The following PIK3R4 variants were observed in gnomAD, a reference collection of about 807,000 sequenced individuals.
PIK3R4 encodes the protein phosphoinositide-3-kinase regulatory subunit 4.
In PIK3R4, 46 loss-of-function variants were observed where a neutral mutation model predicts 136.5. The ratio of observed to expected loss-of-function variants is 0.34; its 90% CI spans 0.27 to 0.43. The LOEUF (loss-of-function observed/expected upper bound fraction) is 0.43, where lower values mean the gene tolerates loss of function less well. Among genes scored for constraint, PIK3R4 ranks in the 20% least tolerant of loss-of-function variants. The probability of loss-of-function intolerance (pLI) is 1.00; values close to 1 mark genes in which losing one functional copy is unlikely to be tolerated. For missense variants in PIK3R4, 1,331 were observed against 1,649.5 expected (o/e 0.81, Z 3.35); for synonymous variants, 557 against 566.7 (o/e 0.98, Z 0.24).
chr3:130,708,618 A>AT, intron 9 of PIK3R4, 126 bp from the exon 10 acceptor site: 1 of 761,978 alleles, frequency 1.3e-6, no homozygotes. Context: ...GAAGGGTGAA[A>AT]CAACCAAGTC....
chr3:130,738,657 C>T (rs964349203), intron 2 of PIK3R4, among the ~76,000 whole-genome samples: 4 of 146,956 alleles, frequency 2.7e-5, no homozygotes, highest in East Asian at 2.0e-4. Context: ...AGGGTAAGTA[C>T]GGTATCTTAT....
chr3:130,681,894 GA>G (rs2066460860), intron 16 of PIK3R4, among the ~76,000 whole-genome samples: 1 of 152,162 alleles, frequency 6.6e-6, no homozygotes, highest in African/African-American at 2.4e-5. Flanking sequence ...AGGCCCTTCT[GA>G]AGCAGGAGTG....
At chr3:130,735,702 A>G (rs2066782269) in intron 3 of PIK3R4, among the ~76,000 whole-genome samples, 167 bp downstream of exon 3, 1 of 152,352 alleles carries the variant, frequency 6.6e-6, no homozygotes, top group East Asian at 1.9e-4. Flanking sequence ...GGGGAAAAAA[A>G]CAGTACATTC....
rs2066599431 is a variant in PIK3R4, at chr3:130,705,130, CT to C, written c.2932+430del. Among the ~76,000 whole-genome samples the C allele has an allele frequency of 1.3e-5, 2 of 152,224 alleles. 1 individual carries two copies. Among genetic ancestry groups the C allele is most frequent in the South Asian group, 4.2e-4 (2 of 4,818 alleles). Reference sequence around the variant, plus strand: ...ACAGGCATGAGCCACCACAACCAGCCTGTTTTCTTTTTAAAAAAAGTACTCA... The same window carrying C: ...ACAGGCATGAGCCACCACAACCAGCCGTTTTCTTTTTAAAAAAAGTACTCA... On this transcript the variant is annotated intron_variant, in intron 12 of 19. Transcript: ENST00000356763.
chr3:130,708,571 A>G, intron 9 of PIK3R4, 79 bp from the exon 10 acceptor site: 1 of 1,253,326 alleles, frequency 8.0e-7, no homozygotes, highest in Non-Finnish European at 1.1e-6. Context: ...TAACAACTGA[A>G]GGGACAAATC....
In PIK3R4 at chr3:130,705,728, G is replaced by A. The variant is rs1342573426; in HGVS notation, c.2765C>T (p.Pro922Leu). The change falls in exon 12 of 20, where the codon CCG becomes CTG. Residue 922 changes from proline (P) to leucine (L), a missense_variant. By Grantham distance (98) the Pro-to-Leu change is moderately conservative. Coordinates refer to ENST00000356763, the MANE Select transcript of PIK3R4 (RefSeq NM_014602.3). Reference protein sequence around the residue: ...TTVQNKKPVIPVLSSTILPST... With the variant: ...TTVQNKKPVILVLSSTILPST... ...TGGTAAGATTGTACTACTTAAAACC[G>A]GTATTACTGGTTTTTTATTTTGGAC... is the stretch of plus-strand genomic sequence containing the variant. The A allele has an allele frequency of 1.3e-5, 21 of 1,610,300 alleles. No homozygotes were observed. Among genetic ancestry groups the A allele is most frequent in the Non-Finnish European group, 1.8e-5 (21 of 1,176,732 alleles).
intron 9 of PIK3R4, among the ~76,000 whole-genome samples, chr3:130,710,190 TA>T (rs1244515468): frequency 1.6e-4 from 25 of 151,934 alleles, no homozygotes; most frequent in Non-Finnish European, 3.4e-4. Context: ...AAACATTTTA[TA>T]TATTTATATT....
intron 6 of PIK3R4, among the ~76,000 whole-genome samples, chr3:130,724,878 T>G (rs868706785): frequency 1.2e-4 from 19 of 152,024 alleles, no homozygotes; most frequent in African/African-American, 4.6e-4. Context: ...AATAGTAATA[T>G]GAAAATATTA....
chr3:130,691,161 A>G (rs1259442907), intron 13 of PIK3R4, among the ~76,000 whole-genome samples: 1 of 152,070 alleles, frequency 6.6e-6, no homozygotes, highest in African/African-American at 2.4e-5. Context: ...TCCTGATCCT[A>G]TCTTCTTCAA....
At chr3:130,713,549 T>A (rs769646975) in intron 9 of PIK3R4, among the ~76,000 whole-genome samples, 7 of 152,102 alleles carry the variant, frequency 4.6e-5, no homozygotes, top group Non-Finnish European at 1.0e-4. Flanking sequence ...TCCCACTCCT[T>A]CCTTTTACCC....
In PIK3R4 at chr3:130,680,647, T is replaced by TAGTA; in HGVS notation, c.3868_3871dup (p.Tyr1291LeufsTer7). The TAGTA allele has an allele frequency of 6.2e-7, 1 of 1,611,906 alleles. No homozygotes were observed. Among genetic ancestry groups the TAGTA allele is most frequent in the Non-Finnish European group, 8.5e-7 (1 of 1,178,182 alleles). ...TTCAGTGCCTTCAATTATTTTCCTGTAGTAGGACACAGATGGGGAACTAGT... is the reference window on the plus strand; with the variant it reads ...TTCAGTGCCTTCAATTATTTTCCTGTAGTAAGTAGGACACAGATGGGGAACTAGT... On this transcript the variant is annotated frameshift_variant, in exon 19 of 20. Coordinates refer to ENST00000356763, the MANE Select transcript of PIK3R4 (RefSeq NM_014602.3). LOFTEE classifies it high-confidence loss of function.
chr3:130,745,249 G>A lies in PIK3R4; in HGVS notation c.-31C>T. 5 of 1,544,760 alleles carry A rather than the reference G, an allele frequency of 3.2e-6. No homozygotes were observed. The highest frequency in any genetic ancestry group is 4.3e-6 in the Non-Finnish European group (5 of 1,156,874). Reference sequence around the variant, plus strand: ...CAAGCACCTCTGTGGTCTTTAGTAAGGTTAGGATATAATACCTGTTTAAAA... The same window carrying A: ...CAAGCACCTCTGTGGTCTTTAGTAAAGTTAGGATATAATACCTGTTTAAAA... On this transcript the variant is annotated 5_prime_UTR_variant, in exon 2 of 20. Transcript: ENST00000356763.
At chr3:130,743,905 C>A (rs2066838615) in intron 2 of PIK3R4, among the ~76,000 whole-genome samples, 2 of 152,218 alleles carry the variant, frequency 1.3e-5, no homozygotes, top group African/African-American at 4.8e-5. Context: ...CACATCAGTG[C>A]ATCATATTCT....
At chr3:130,708,560 C>T (rs1468028945) in intron 9 of PIK3R4, 68 bp from the exon 10 acceptor site, 1 of 1,371,550 alleles carries the variant, frequency 7.3e-7, no homozygotes, top group East Asian at 2.3e-5. Flanking sequence ...CTCAGAATGA[C>T]TAACAACTGA....
At chr3:130,742,407 G>C (rs983122707) in intron 2 of PIK3R4, among the ~76,000 whole-genome samples, 1 of 152,142 alleles carries the variant, frequency 6.6e-6, no homozygotes, top group Admixed American at 6.5e-5. Flanking sequence ...TGAAAGTGAC[G>C]CAATTCCTAA....
chr3:130,684,731 A>G (rs1487639342), intron 15 of PIK3R4, among the ~76,000 whole-genome samples: 1 of 152,242 alleles, frequency 6.6e-6, no homozygotes, highest in Non-Finnish European at 1.5e-5. Flanking sequence ...CAAAATGTTC[A>G]GATTGCCTTA....
intron 13 of PIK3R4, among the ~76,000 whole-genome samples, chr3:130,696,244 ATT>A (rs75569059): frequency 6.2e-5 from 9 of 145,566 alleles, no homozygotes; most frequent in African/African-American, 2.2e-4. Flanking sequence ...ACTTTTGCTG[ATT>A]TTTTTTTTTC....
At chr3:130,684,132 A>G in intron 16 of PIK3R4, 118 bp downstream of exon 16, 2 of 860,052 alleles carry the variant, frequency 2.3e-6, no homozygotes, top group Non-Finnish European at 3.7e-6. Context: ...TAATCAGAAG[A>G]CAATCAAGCA....
chr3:130,722,719 T>C lies in PIK3R4; in HGVS notation c.1981+695A>G, dbSNP rs1187294671. Reference sequence around the variant, plus strand: ...GTCAAGTGCCCAAAAATAATTTTCATCTTCAGACCAGTCAAGGCTTTACCC... The same window carrying C: ...GTCAAGTGCCCAAAAATAATTTTCACCTTCAGACCAGTCAAGGCTTTACCC... On this transcript the variant is annotated intron_variant, in intron 7 of 19. Transcript: ENST00000356763. Among the ~76,000 whole-genome samples the C allele has an allele frequency of 2.6e-5, 4 of 151,916 alleles. No individual in the cohort carries two copies. In the East Asian group the frequency reaches 7.7e-4, roughly 29 times the overall value.
Sources: gnomAD v4.1 joint callset for allele counts (sites outside exome capture counted in the v4.1 genomes callset) on GRCh38, gnomAD v4.1.1 for gene constraint, MANE v1.5 for transcripts, NCBI Gene and HGNC (gene_info 2026-07-23, HGNC 2026-07-21) for gene names.